Variants in KIFAP3 observed in about 807,000 individuals in gnomAD.
The protein encoded by KIFAP3 is kinesin-associated protein 3.
A neutral mutation model predicts 106.5 loss-of-function variants in KIFAP3; 68 were observed. That is an observed-to-expected ratio of 0.64 (90% CI 0.53 to 0.78). The LOEUF is 0.78. KIFAP3 is among the 30% of genes least tolerant of loss of function. KIFAP3 has a pLI of 0.00. For synonymous variants in KIFAP3, 320 were observed against 311.5 expected (o/e 1.03, Z -0.29); for missense variants, 780 against 941.8 (o/e 0.83, Z 2.25).
chr1:169,950,420 C>G (rs974511033), intron 19 of KIFAP3, among the ~76,000 whole-genome samples: 1 of 152,052 alleles, frequency 6.6e-6, no homozygotes, highest in Non-Finnish European at 1.5e-5. Flanking sequence ...GATAACTTGA[C>G]AGTGTTTATT....
chr1:169,962,830 T>C (rs1665407171), intron 17 of KIFAP3, among the ~76,000 whole-genome samples: 2 of 152,208 alleles, frequency 1.3e-5, no homozygotes, highest in East Asian at 3.8e-4. Context: ...TTGCATGTGC[T>C]ATAATGTACA....
chr1:170,080,647 T>C (rs1672005620), intron 1 of KIFAP3, among the ~76,000 whole-genome samples: 1 of 152,148 alleles, frequency 6.6e-6, no homozygotes, highest in Non-Finnish European at 1.5e-5. Flanking sequence ...CTTAAAACTT[T>C]TTAAAATTCA....
At chr1:169,937,974 G>A (rs1663902291) in intron 19 of KIFAP3, among the ~76,000 whole-genome samples, 1 of 151,828 alleles carries the variant, frequency 6.6e-6, no homozygotes, top group Non-Finnish European at 1.5e-5. Context: ...CTAGTCAGTT[G>A]GTTATTGCTA....
intron 1 of KIFAP3, among the ~76,000 whole-genome samples, chr1:170,059,587 A>C (rs1380142946): frequency 1.3e-5 from 2 of 152,206 alleles, no homozygotes; most frequent in Non-Finnish European, 2.9e-5. Context: ...TACCAGAGGT[A>C]CAAGGAGGAA....
chr1:170,078,425 G>A (rs184410658), upstream of KIFAP3, among the ~76,000 whole-genome samples: 768 of 152,114 alleles, frequency 5.0e-3, 13 homozygotes, highest in Admixed American at 0.015. Context: ...TGAGCACAGA[G>A]ATATCAACAG....
intron 17 of KIFAP3, among the ~76,000 whole-genome samples, chr1:169,962,058 T>C (rs1467428215): frequency 1.3e-5 from 2 of 152,194 alleles, no homozygotes. Context: ...CTGTATCTTT[T>C]AGTCTAGATA....
At chr1:170,017,857 AAGAGG>A (rs755871725) in intron 9 of KIFAP3, among the ~76,000 whole-genome samples, 30 of 152,214 alleles carry the variant, frequency 2.0e-4, no homozygotes, top group Non-Finnish European at 4.0e-4. Context: ...CAAATGGAAA[AAGAGG>A]TTTAGGGCAA....
At chr1:169,928,093 T>C (rs551953150) in intron 19 of KIFAP3, among the ~76,000 whole-genome samples, 325 of 97,930 alleles carry the variant, frequency 3.3e-3, no homozygotes, top group Middle Eastern at 0.011. Flanking sequence ...ACAACAATGT[T>C]ATCTTTTCTC....
At chr1:169,998,204 G>A (rs1362563762) in intron 10 of KIFAP3, among the ~76,000 whole-genome samples, 1 of 152,018 alleles carries the variant, frequency 6.6e-6, no homozygotes, top group Non-Finnish European at 1.5e-5. Context: ...GCAGACGAAA[G>A]AACAGACAGA....
chr1:169,945,501 G>A (rs1664394566), intron 19 of KIFAP3, among the ~76,000 whole-genome samples: 1 of 152,188 alleles, frequency 6.6e-6, no homozygotes, highest in African/African-American at 2.4e-5. Context: ...AACTGCAGCT[G>A]GCATCCCTGC....
chr1:169,953,900 GT>G lies in KIFAP3; in HGVS notation c.2273+110del, dbSNP rs35674215. ...AAACATGCCCTTGAAAAGATTGAGG[GT>G]TTTTTCCCCCCTCTTAATGAAAAAG... On this transcript the variant is annotated intron_variant, in intron 19 of 19. Coordinates refer to ENST00000361580, the MANE Select transcript of KIFAP3 (RefSeq NM_014970.4). The G allele has an allele frequency of 1.1e-4, 83 of 749,248 alleles. 1 individual carries two copies. Among genetic ancestry groups the G allele is most frequent in the Middle Eastern group, 9.6e-4 (4 of 4,180 alleles). The allele number at this position is 749,248 out of a possible 1,614,324, so 46.4% of individuals were successfully genotyped here.
intron 2 of KIFAP3, 119 bp downstream of exon 2, chr1:170,055,186 G>A (rs1670779113): frequency 1.2e-6 from 1 of 815,852 alleles, no homozygotes; most frequent in Admixed American, 3.4e-5. Flanking sequence ...TCACTAAGAT[G>A]AAGTATGCCT....
At chr1:169,965,178 T>C (rs563802662) in intron 17 of KIFAP3, among the ~76,000 whole-genome samples, 1 of 152,220 alleles carries the variant, frequency 6.6e-6, no homozygotes, top group Admixed American at 6.5e-5. Flanking sequence ...AATACAGAAC[T>C]AATTTGAATG....
At chr1:170,053,561 A>C (rs12130561) in intron 2 of KIFAP3, among the ~76,000 whole-genome samples, 9,643 of 151,608 alleles carry the variant, frequency 0.064, 390 homozygotes, top group Non-Finnish European at 0.096. Context: ...ACAAAAAAAA[A>C]CCCAAAGCAT....
At chr1:169,976,634 G>GAT (rs1330511362) in intron 16 of KIFAP3, among the ~76,000 whole-genome samples, 2 of 151,958 alleles carry the variant, frequency 1.3e-5, no homozygotes, top group Non-Finnish European at 2.9e-5. Flanking sequence ...TTTGTATTTC[G>GAT]ATAGCCCATA....
At chr1:169,978,517 A>T (rs921278900) in intron 15 of KIFAP3, among the ~76,000 whole-genome samples, 1 of 152,060 alleles carries the variant, frequency 6.6e-6, no homozygotes, top group Non-Finnish European at 1.5e-5. Flanking sequence ...AACTATCATA[A>T]AAAGGTATTT....
intron 1 of KIFAP3, among the ~76,000 whole-genome samples, chr1:170,057,794 T>C (rs1236866613): frequency 2.0e-5 from 3 of 152,108 alleles, no homozygotes; most frequent in Non-Finnish European, 2.9e-5. Flanking sequence ...TATTAGAAAT[T>C]AATGAATTTC....
At chr1:169,966,709 A>G (rs60882156) in intron 17 of KIFAP3, among the ~76,000 whole-genome samples, 13,042 of 45,600 alleles carry the variant, frequency 0.29, 1,443 homozygotes, top group East Asian at 0.51. Context: ...TCTAACATCA[A>G]TGGATAACTG....
At chr1:170,074,124 C>A (rs1466982250) in intron 1 of KIFAP3, among the ~76,000 whole-genome samples, 1 of 149,888 alleles carries the variant, frequency 6.7e-6, no homozygotes, top group Non-Finnish European at 1.5e-5. Flanking sequence ...TGGGAAGAGG[C>A]GAAAAAAAAA....
Sources: gnomAD v4.1 joint callset for allele counts (sites outside exome capture counted in the v4.1 genomes callset) on GRCh38, gnomAD v4.1.1 for gene constraint, MANE v1.5 for transcripts, NCBI Gene and HGNC (gene_info 2026-07-23, HGNC 2026-07-21) for gene names.